Variants in IRF4 observed in about 807,000 individuals in gnomAD.
IRF4 encodes lymphocyte-specific interferon regulatory factor.
A neutral mutation model predicts 55.5 loss-of-function variants in IRF4; 13 were observed. The observed-to-expected ratio is 0.23, with a 90% CI of 0.15 to 0.37. The LOEUF is 0.37. Among genes scored for constraint, IRF4 ranks in the 10% least tolerant of loss-of-function variants. The probability of loss-of-function intolerance (pLI) is 1.00; values close to 1 mark genes in which losing one functional copy is unlikely to be tolerated. For missense variants in IRF4, 397 were observed against 593.8 expected, an observed-to-expected ratio of 0.67 and a Z score of 3.44; for synonymous variants, 249 against 240.7, an observed-to-expected ratio of 1.03 and a Z score of -0.32.
intron 3 of IRF4, among the ~76,000 whole-genome samples, 179 bp downstream of exon 3, chr6:395,186 C>T (rs556093990): frequency 3.3e-5 from 5 of 151,086 alleles, no homozygotes; most frequent in East Asian, 1.9e-4. Flanking sequence ...AGTTGAAATT[C>T]CTGTGGGGTT....
intron 7 of IRF4, among the ~76,000 whole-genome samples, 155 bp from the exon 8 acceptor site, chr6:404,863 G>C (rs781586463): frequency 3.9e-5 from 6 of 152,238 alleles, no homozygotes; most frequent in Non-Finnish European, 8.8e-5. Context: ...TTTTGTATCT[G>C]AGATGTTCAC....
At chr6:404,798 C>T (rs112207472) in intron 7 of IRF4, among the ~76,000 whole-genome samples, 346 of 152,318 alleles carry the variant, frequency 2.3e-3, no homozygotes, top group South Asian at 0.018. Context: ...CTTGAAGAAT[C>T]GAGGGAGACC....
At position 407,564 on chromosome 6, in the gene IRF4, A is replaced by T. The variant is rs752069005; in HGVS notation, c.1322A>T (p.His441Leu). Residue 441 changes from histidine to leucine, a missense_variant, in exon 9 of 9, where the codon CAC becomes CTC. By Grantham distance (99) the His-to-Leu change is moderately conservative (BLOSUM62 -3). Coordinates refer to ENST00000380956, the MANE Select transcript of IRF4 (RefSeq NM_002460.4). ...CACATCAGCAATCCAGAAGATTACC[A>T]CAGATCTATCCGCCATTCCTCTATT... Reference protein sequence around the residue: ...PEHISNPEDYHRSIRHSSIQE With the variant: ...PEHISNPEDYLRSIRHSSIQE The T allele has an allele frequency of 7.4e-5, 119 of 1,611,694 alleles. No individual in the cohort carries two copies. The highest frequency in any genetic ancestry group is 1.0e-4 in the Non-Finnish European group (118 of 1,179,418).
chr6:398,143 G>T (rs1761314567), intron 5 of IRF4, among the ~76,000 whole-genome samples: 1 of 152,224 alleles, frequency 6.6e-6, no homozygotes, highest in African/African-American at 2.4e-5. Context: ...GGTAGTGGAG[G>T]AATTGGCTAA....
intron 6 of IRF4, among the ~76,000 whole-genome samples, chr6:399,533 A>G (rs1311540644): frequency 6.6e-6 from 1 of 150,484 alleles, no homozygotes; most frequent in Non-Finnish European, 1.5e-5. Context: ...TGCACCATGG[A>G]GATCTTACCT....
At chr6:405,338 A>G (rs1761517958) in intron 8 of IRF4, among the ~76,000 whole-genome samples, 1 of 152,234 alleles carries the variant, frequency 6.6e-6, no homozygotes, top group Non-Finnish European at 1.5e-5. Context: ...AGATCTGCTC[A>G]TCAAAGAACC....
chr6:394,373 C>G (rs982215767), intron 2 of IRF4, among the ~76,000 whole-genome samples: 4 of 152,232 alleles, frequency 2.6e-5, no homozygotes, highest in African/African-American at 9.6e-5. Context: ...TAGAGCATAG[C>G]TGGGGTCTTT....
In IRF4 at chr6:409,523, C is replaced by A; in HGVS notation, c.*1925C>A. 1 of 217,708 alleles carries A rather than the reference C, an allele frequency of 4.6e-6. No homozygotes were observed. Among genetic ancestry groups the A allele is most frequent in the East Asian group, 6.7e-5 (1 of 15,006 alleles). The allele number at this position is 217,708 out of a possible 1,614,324, so 13.5% of individuals were successfully genotyped here. On this transcript the variant is annotated 3_prime_UTR_variant, in exon 9 of 9. Coordinates refer to ENST00000380956, the MANE Select transcript of IRF4 (RefSeq NM_002460.4). ...TGTAGCTAACAGTGAAGATTTACCT[C>A]GTTCTGCTCAGAGGCCTTGCTGTGG...
At chr6:398,798 A>T in intron 5 of IRF4, 30 bp from the exon 6 acceptor site, 1 of 1,543,458 alleles carries the variant, frequency 6.5e-7, no homozygotes, top group Non-Finnish European at 9.0e-7. Flanking sequence ...CTCTGTCTAG[A>T]CATCATCTGA....
intron 8 of IRF4, 47 bp from the exon 9 acceptor site, chr6:407,408 A>G (rs753316821): frequency 3.9e-6 from 6 of 1,556,612 alleles, no homozygotes; most frequent in East Asian, 2.2e-5. Flanking sequence ...ATAGTGAGCC[A>G]GTTGCAGGAT....
rs549464895 is a variant in IRF4, at chr6:402,376, C to T, written c.1099+599C>T. ...TCTGGCTGGCTTCTGTGAAGCCCCTCGCCCTGTCATGCTGGGCTTCCTCAC... is the reference window on the plus strand; with the variant it reads ...TCTGGCTGGCTTCTGTGAAGCCCCTTGCCCTGTCATGCTGGGCTTCCTCAC... On this transcript the variant is annotated intron_variant, in intron 7 of 8. Coordinates refer to ENST00000380956, the MANE Select transcript of IRF4 (RefSeq NM_002460.4). 2.0e-4 allele frequency among the ~76,000 whole-genome samples: 30 copies of T among 152,236 alleles called. No homozygotes were observed. In the South Asian group the frequency reaches 4.4e-3, roughly 22 times the overall value.
At position 393,114 on chromosome 6, in the gene IRF4, C is replaced by T. The variant is rs2127435997; in HGVS notation, c.-39C>T. On this transcript the variant is annotated 5_prime_UTR_variant, in exon 2 of 9. Coordinates refer to ENST00000380956, the MANE Select transcript of IRF4 (RefSeq NM_002460.4). This position sits in a 1 kb window ranked among gnomAD's most constrained non-coding sequence, Gnocchi z 5.4. ...TCCCCGCAGTGCAGAGCAGAGCGGG[C>T]GGAGGACCCCGGGCGCGGGCGCGGA... 2 of 1,528,132 alleles carry T rather than the reference C, an allele frequency of 1.3e-6. No individual in the cohort carries two copies. The highest frequency in any genetic ancestry group is 2.5e-5 in the East Asian group (1 of 40,710). 94.7% of individuals were successfully genotyped at this position (1,528,132 alleles called of 1,614,324 possible). A position where few individuals can be genotyped will look rare whatever the true frequency, so the allele number is the denominator to read the frequency against.
chr6:406,848 T>C, intron 8 of IRF4: 1 of 1,148,722 alleles, frequency 8.7e-7, no homozygotes, highest in East Asian at 8.1e-5. Flanking sequence ...CAGCTTGCCT[T>C]AGATGCTGTA....
intron 7 of IRF4, among the ~76,000 whole-genome samples, chr6:404,447 A>T (rs1761488214): frequency 6.6e-6 from 1 of 152,250 alleles, no homozygotes; most frequent in South Asian, 2.1e-4. Context: ...CAGTTCAGGC[A>T]TAGTGACAGT....
chr6:393,446 C>T lies in IRF4; in HGVS notation c.216+78C>T. On this transcript the variant is annotated intron_variant, in intron 2 of 8. Coordinates refer to ENST00000380956, the MANE Select transcript of IRF4 (RefSeq NM_002460.4). The surrounding 1 kb of genome is among the most constrained non-coding windows in gnomAD (Gnocchi z 5.4). ...AGCCCGGGGTCCCCGGCGCCGCCTC[C>T]GAGGCGAGCCCAGGGGACCGCGCGG... The T allele has an allele frequency of 2.7e-6, 3 of 1,103,990 alleles. No individual in the cohort carries two copies. Among genetic ancestry groups the T allele is most frequent in the Non-Finnish European group, 3.6e-6 (3 of 827,250 alleles). The allele number at this position is 1,103,990 out of a possible 1,614,324, so 68.4% of individuals were successfully genotyped here. A position where few individuals can be genotyped will look rare whatever the true frequency, so the allele number is the denominator to read the frequency against.
Position 401,524 on chromosome 6 carries a change from T to C in IRF4, c.846T>C (p.Tyr282=), listed in dbSNP as rs766768026. 7 of 1,613,962 alleles carry C rather than the reference T, an allele frequency of 4.3e-6. No individual in the cohort carries two copies. In the Admixed American group the frequency reaches 1.2e-4, roughly 27 times the overall value. ...EGCRISHGHT[Y]DASNLDQVLF... is the part of the protein sequence containing the mutation. ...GCCGGATCTCCCATGGACATACGTA[T>C]GACGCCAGCAACCTGGACCAGGTCC... The change falls in exon 7 of 9, where the codon TAT becomes TAC. Residue 282 remains tyrosine, a synonymous_variant. Coordinates refer to ENST00000380956, the MANE Select transcript of IRF4 (RefSeq NM_002460.4).
chr6:393,435 G>A lies in IRF4; in HGVS notation c.216+67G>A. The A allele has an allele frequency of 8.7e-7, 1 of 1,149,174 alleles. No individual in the cohort carries two copies. The highest frequency in any genetic ancestry group is 1.2e-6 in the Non-Finnish European group (1 of 868,284). The allele number at this position is 1,149,174 out of a possible 1,614,324, so 71.2% of individuals were successfully genotyped here. A position where few individuals can be genotyped will look rare whatever the true frequency, so the allele number is the denominator to read the frequency against. On this transcript the variant is annotated intron_variant, in intron 2 of 8. Coordinates refer to ENST00000380956, the MANE Select transcript of IRF4 (RefSeq NM_002460.4). This position sits in a 1 kb window ranked among gnomAD's most constrained non-coding sequence, Gnocchi z 5.4. Reference sequence around the variant, plus strand: ...CCCAGAGACAGAGCCCGGGGTCCCCGGCGCCGCCTCCGAGGCGAGCCCAGG... The same window carrying A: ...CCCAGAGACAGAGCCCGGGGTCCCCAGCGCCGCCTCCGAGGCGAGCCCAGG...
chr6:411,288 A>C lies in IRF4; in HGVS notation c.*3690A>C. 4.4e-6 allele frequency: 1 copy of C among 227,012 alleles called. No homozygotes were observed. The highest frequency in any genetic ancestry group is 8.8e-6 in the Non-Finnish European group (1 of 113,972). 14.1% of individuals were successfully genotyped at this position (227,012 alleles called of 1,614,324 possible). On this transcript the variant is annotated 3_prime_UTR_variant, in exon 9 of 9. Transcript: ENST00000380956. ...CCTACTGGCTCTGCGTTTTGCTGAGATCTGTAGGAAAGGATGCTTCACAAA... is the reference window on the plus strand; with the variant it reads ...CCTACTGGCTCTGCGTTTTGCTGAGCTCTGTAGGAAAGGATGCTTCACAAA...
rs1761609837 is a variant in IRF4 at position 408,446 on chromosome 6, T to G, written c.*848T>G. The G allele has an allele frequency of 4.3e-6, 1 of 229,930 alleles. No homozygotes were observed. Among genetic ancestry groups the G allele is most frequent in the Non-Finnish European group, 8.6e-6 (1 of 115,962 alleles). 14.2% of individuals were successfully genotyped at this position (229,930 alleles called of 1,614,324 possible). ...CCTGGAAGCCAGTTAGTAAACTTCC[T>G]ATTTTCTTGAGTCAAAAAACATGAG... On this transcript the variant is annotated 3_prime_UTR_variant, in exon 9 of 9. Coordinates refer to ENST00000380956, the MANE Select transcript of IRF4 (RefSeq NM_002460.4).
Sources: gnomAD v4.1 joint callset for allele counts (sites outside exome capture counted in the v4.1 genomes callset) on GRCh38, gnomAD v4.1.1 for gene constraint, Gnocchi (gnomAD v3.1) non-coding constraint, MANE v1.5 for transcripts, NCBI Gene and HGNC (gene_info 2026-07-23, HGNC 2026-07-21) for gene names.